ZNF385D: variants seen among roughly 807,000 people sequenced by gnomAD.
ZNF385D encodes the protein zinc finger protein 659.
ZNF385D carries 15 observed loss-of-function variants against 35.8 expected under a neutral mutation model. The ratio of observed to expected loss-of-function variants is 0.42; its 90% CI spans 0.28 to 0.64. The LOEUF (loss-of-function observed/expected upper bound fraction) is 0.64. Ranked by LOEUF, ZNF385D falls within the 30% of genes least tolerant of loss-of-function variation. ZNF385D has a pLI of 0.23. For missense variants in ZNF385D, 474 were observed against 494.6 expected, an observed-to-expected ratio of 0.96 and a Z score of 0.39; for synonymous variants, 212 against 186.8, an observed-to-expected ratio of 1.13 and a Z score of -1.10.
intron 3 of ZNF385D, among the ~76,000 whole-genome samples, chr3:21,522,311 G>A (rs1168924985): frequency 1.3e-5 from 2 of 152,052 alleles, no homozygotes; most frequent in Admixed American, 6.5e-5. Context: ...AAAATATTTG[G>A]TGGACCCACA....
At chr3:21,995,900 G>C (rs1219412542) in intron 3 of ZNF385D, among the ~76,000 whole-genome samples, 1 of 152,074 alleles carries the variant, frequency 6.6e-6, no homozygotes, top group Non-Finnish European at 1.5e-5. Flanking sequence ...AGCTTTCCCA[G>C]TGTGCTACAT....
intron 3 of ZNF385D, among the ~76,000 whole-genome samples, chr3:21,820,573 T>G (rs888718600): frequency 1.3e-5 from 2 of 150,742 alleles, no homozygotes; most frequent in Admixed American, 6.6e-5. Flanking sequence ...AATAGAAAAA[T>G]AGAATAAATC....
At chr3:21,940,773 A>G (rs1701479167) in intron 3 of ZNF385D, among the ~76,000 whole-genome samples, 1 of 152,218 alleles carries the variant, frequency 6.6e-6, no homozygotes, top group Non-Finnish European at 1.5e-5. Flanking sequence ...GAGGTTCCAA[A>G]ATATATTTAT....
intron 2 of ZNF385D, among the ~76,000 whole-genome samples, chr3:22,177,003 T>A (rs1247387213): frequency 1.3e-5 from 2 of 152,206 alleles, no homozygotes; most frequent in Non-Finnish European, 2.9e-5. Context: ...TACATTTTTT[T>A]AGCCAACAGT....
At chr3:21,571,723 A>G (rs2063340121) in intron 2 of ZNF385D, among the ~76,000 whole-genome samples, 1 of 152,110 alleles carries the variant, frequency 6.6e-6, no homozygotes, top group Non-Finnish European at 1.5e-5. Flanking sequence ...CATGCCCCCA[A>G]CAGGTTTGAC....
chr3:21,623,611 G>A (rs1027981229), intron 2 of ZNF385D, among the ~76,000 whole-genome samples: 3 of 152,012 alleles, frequency 2.0e-5, no homozygotes, highest in African/African-American at 4.8e-5. Context: ...AATGAGCTAT[G>A]ATCTCACCAC....
intron 3 of ZNF385D, among the ~76,000 whole-genome samples, chr3:21,525,367 G>T (rs1205816677): frequency 6.6e-6 from 1 of 151,828 alleles, no homozygotes; most frequent in Non-Finnish European, 1.5e-5. Flanking sequence ...CACTGAGGAA[G>T]AAAAAAGTTT....
chr3:21,493,145 C>T (rs545606216), intron 4 of ZNF385D, among the ~76,000 whole-genome samples: 16 of 151,972 alleles, frequency 1.1e-4, no homozygotes, highest in Non-Finnish European at 1.8e-4. Flanking sequence ...CTGACTAGGA[C>T]ACAAAAATTG....
chr3:21,546,859 A>G (rs1302623030), intron 3 of ZNF385D, among the ~76,000 whole-genome samples: 1 of 151,742 alleles, frequency 6.6e-6, no homozygotes, highest in Non-Finnish European at 1.5e-5. Context: ...CATGGGTTCA[A>G]GTCACTTTTG....
At chr3:21,751,225 C>G (rs1052806426), upstream of ZNF385D, 52 of 1,245,146 alleles carry the variant, frequency 4.2e-5, no homozygotes, top group Non-Finnish European at 5.3e-5. Context: ...GTACTACAAG[C>G]AGACCCCTCC....
At chr3:22,273,237 T>C (rs75935419) in intron 2 of ZNF385D, among the ~76,000 whole-genome samples, 1 of 152,048 alleles carries the variant, frequency 6.6e-6, no homozygotes, top group Admixed American at 6.6e-5. Context: ...TTTGGTCTTA[T>C]TGATAGCTTT....
intron 2 of ZNF385D, among the ~76,000 whole-genome samples, chr3:22,183,390 G>A (rs539967318): frequency 1.9e-4 from 29 of 151,828 alleles, no homozygotes; most frequent in Admixed American, 1.4e-3. Flanking sequence ...TCACTCTGTC[G>A]CCCAGGCTGG....
At chr3:22,062,038 T>G (rs1486986550) in intron 3 of ZNF385D, among the ~76,000 whole-genome samples, 1 of 152,204 alleles carries the variant, frequency 6.6e-6, no homozygotes, top group Non-Finnish European at 1.5e-5. Flanking sequence ...TTGTTGCATT[T>G]AATTTTAATT....
At chr3:21,748,789 CAT>C (rs2069909051) in intron 1 of ZNF385D, among the ~76,000 whole-genome samples, 1 of 152,210 alleles carries the variant, frequency 6.6e-6, no homozygotes, top group Non-Finnish European at 1.5e-5. Flanking sequence ...CACATGTACA[CAT>C]ATATGTGTGT....
intron 3 of ZNF385D, among the ~76,000 whole-genome samples, chr3:22,148,381 C>T (rs1336306053): frequency 6.6e-6 from 1 of 152,186 alleles, no homozygotes; most frequent in Non-Finnish European, 1.5e-5. Flanking sequence ...TAGGACAGAA[C>T]TGCTTATTCA....
intron 3 of ZNF385D, among the ~76,000 whole-genome samples, chr3:22,143,059 T>TTTTGTGTGTG (rs1421491512): frequency 1.1e-4 from 15 of 140,916 alleles, no homozygotes; most frequent in African/African-American, 4.1e-4. Context: ...ATTAAATCGG[T>TTTTGTGTGTG]TGTGTGTGTG....
chr3:21,738,202 G>T lies in ZNF385D; in HGVS notation c.22+12693C>A, dbSNP rs149725003. The stretch of plus-strand genomic sequence containing the variant: ...TTCTTCAAACAACTGCTGCTCTATT[G>T]GAATGGTGAGAATACGCTCCTAGGT... On this transcript the variant is annotated intron_variant, in intron 1 of 7. Coordinates refer to ENST00000281523, the MANE Select transcript of ZNF385D (RefSeq NM_024697.3). Among the ~76,000 whole-genome samples, 1,073 of 152,240 alleles carry T rather than the reference G, an allele frequency of 7.0e-3. 14 individuals are homozygous for T. Among genetic ancestry groups the T allele is most frequent in the African/African-American group, 0.024 (1,016 of 41,522 alleles).
chr3:21,537,783 A>G (rs1314250881), intron 3 of ZNF385D, among the ~76,000 whole-genome samples: 2 of 152,122 alleles, frequency 1.3e-5, no homozygotes, highest in African/African-American at 4.8e-5. Context: ...TGCGTGGCCT[A>G]TGAAATCTAA....
chr3:22,307,066 T>A (rs1265093525), intron 2 of ZNF385D, among the ~76,000 whole-genome samples: 1 of 152,100 alleles, frequency 6.6e-6, no homozygotes, highest in African/African-American at 2.4e-5. Flanking sequence ...AACAACTTTT[T>A]TATTCCTCTG....
Sources: allele counts gnomAD v4.1 joint callset (sites outside exome capture counted in the v4.1 genomes callset), GRCh38; gene constraint gnomAD v4.1.1; transcripts MANE v1.5; gene names NCBI Gene and HGNC (gene_info 2026-07-23, HGNC 2026-07-21).